The following ATP10B variants were observed in gnomAD, a reference collection of about 807,000 sequenced individuals.
ATP10B encodes the protein ATPase phospholipid transporting 10B (putative), also known as phospholipid-transporting ATPase VB.
A neutral mutation model predicts 141.2 loss-of-function variants in ATP10B; 122 were observed. That is an observed-to-expected ratio of 0.86 (90% CI 0.75 to 1.00). ATP10B has a LOEUF of 1.00. Among genes scored for constraint, ATP10B ranks in the 50% least tolerant of loss-of-function variants. The pLI is 0.00. For synonymous variants in ATP10B, 685 were observed against 692.0 expected, an observed-to-expected ratio of 0.99 and a Z score of 0.16; for missense variants, 1,876 against 1,825.3, an observed-to-expected ratio of 1.03 and a Z score of -0.51.
intron 3 of ATP10B, among the ~76,000 whole-genome samples, chr5:160,703,458 A>G (rs1764791458): frequency 6.8e-6 from 1 of 147,128 alleles, no homozygotes; most frequent in Non-Finnish European, 1.5e-5. Context: ...TTGCTGTTGG[A>G]GAGTTTTGTC....
intron 2 of ATP10B, among the ~76,000 whole-genome samples, chr5:160,729,314 C>T (rs966407107): frequency 3.9e-5 from 6 of 152,124 alleles, no homozygotes; most frequent in African/African-American, 7.2e-5. Flanking sequence ...CATATCTGAG[C>T]TCCACAGAGG....
At position 160,746,591 on chromosome 5, in the gene ATP10B, C is replaced by T. The variant is rs547612455; in HGVS notation, c.-330-29557G>A. Among the ~76,000 whole-genome samples the T allele has an allele frequency of 9.2e-5, 14 of 152,066 alleles. No homozygotes were observed. The South Asian group carries it at 2.1e-3, about 23-fold the overall frequency. ...ATTTTTAGTAGAGACTGGATTTCACCGTGTTGGCCAGGCTGGTCTCGCACT... is the reference window on the plus strand; with the variant it reads ...ATTTTTAGTAGAGACTGGATTTCACTGTGTTGGCCAGGCTGGTCTCGCACT... On this transcript the variant is annotated intron_variant, in intron 2 of 25. Transcript: ENST00000327245.
At chr5:160,829,823 A>G (rs1291191323) in intron 1 of ATP10B, among the ~76,000 whole-genome samples, 1 of 151,738 alleles carries the variant, frequency 6.6e-6, no homozygotes, top group Non-Finnish European at 1.5e-5. Context: ...ACCTTGTTAA[A>G]CTCATTTATC....
intron 2 of ATP10B, among the ~76,000 whole-genome samples, chr5:160,769,712 A>C (rs962912672): frequency 2.6e-5 from 4 of 152,226 alleles, no homozygotes; most frequent in Non-Finnish European, 5.9e-5. Context: ...AGGAAAGTCA[A>C]AAGGAAACCA....
At chr5:160,858,412 C>T in the ATP10B span, among the ~76,000 whole-genome samples, 2 of 151,934 alleles carry the variant, frequency 1.3e-5, no homozygotes, top group South Asian at 2.1e-4. Context: ...TTAAAATCTA[C>T]TTTGTCTATC....
intron 22 of ATP10B, among the ~76,000 whole-genome samples, chr5:160,594,796 C>T (rs1756567126): frequency 1.3e-5 from 2 of 151,960 alleles, no homozygotes; most frequent in Admixed American, 1.3e-4. Flanking sequence ...CAAAGAAGGC[C>T]ATTACATAAT....
intron 7 of ATP10B, among the ~76,000 whole-genome samples, chr5:160,654,484 A>G (rs1310076683): frequency 6.6e-6 from 1 of 152,158 alleles, no homozygotes; most frequent in Non-Finnish European, 1.5e-5. Flanking sequence ...GAAAAGACCA[A>G]TCCTTTCCAG....
At chr5:160,780,902 C>T (rs1770672520) in intron 2 of ATP10B, among the ~76,000 whole-genome samples, 1 of 152,046 alleles carries the variant, frequency 6.6e-6, no homozygotes, top group African/African-American at 2.4e-5. Context: ...ATCTTAAGGG[C>T]TGCCATTTTG....
chr5:160,768,316 C>A (rs1043328308), intron 2 of ATP10B, among the ~76,000 whole-genome samples: 2 of 152,130 alleles, frequency 1.3e-5, no homozygotes, highest in African/African-American at 4.8e-5. Context: ...ATGATTTAGA[C>A]AGATTATGCC....
At chr5:160,899,245 T>C in the ATP10B span, among the ~76,000 whole-genome samples, 4 of 152,046 alleles carry the variant, frequency 2.6e-5, no homozygotes, top group Admixed American at 2.6e-4. Context: ...GGTCACAGTT[T>C]TTAGTGGGTT....
chr5:160,653,172 T>C (rs971203435), intron 7 of ATP10B, among the ~76,000 whole-genome samples: 1 of 131,028 alleles, frequency 7.6e-6, no homozygotes, highest in Non-Finnish European at 1.5e-5. Context: ...ATATATTATA[T>C]ATACAATATA....
At chr5:160,675,314 C>A (rs941292684) in intron 6 of ATP10B, among the ~76,000 whole-genome samples, 6 of 152,106 alleles carry the variant, frequency 3.9e-5, no homozygotes, top group African/African-American at 1.4e-4. Context: ...CAACATGGCT[C>A]GGGATGAAGG....
intron 24 of ATP10B, among the ~76,000 whole-genome samples, chr5:160,585,579 A>G (rs904870061): frequency 2.0e-5 from 3 of 152,220 alleles, no homozygotes; most frequent in African/African-American, 7.2e-5. Context: ...TCTGGCCTGG[A>G]TGACAGAGCG....
the ATP10B span, among the ~76,000 whole-genome samples, chr5:160,872,552 G>C: frequency 6.6e-6 from 1 of 152,152 alleles, no homozygotes; most frequent in African/African-American, 2.4e-5. Context: ...ATTGATTTTT[G>C]TATGAGGTGA....
chr5:160,827,177 C>A (rs1290187779), intron 1 of ATP10B, among the ~76,000 whole-genome samples: 1 of 152,160 alleles, frequency 6.6e-6, no homozygotes, highest in African/African-American at 2.4e-5. Flanking sequence ...TGTGATGTCA[C>A]CCCCAGAGGC....
chr5:160,688,818 T>C lies in ATP10B; in HGVS notation c.-79A>G, dbSNP rs189814444. On this transcript the variant is annotated 5_prime_UTR_variant, in exon 4 of 26. Coordinates refer to ENST00000327245, the MANE Select transcript of ATP10B (RefSeq NM_025153.3). ...AGAATAGATGGGAGAGGTTCTTTCC[T>C]AGGAAATTTGTCCATGAGGTGACTG... is the stretch of plus-strand genomic sequence containing the variant. 4 of 985,430 alleles carry C rather than the reference T, an allele frequency of 4.1e-6. No individual in the cohort carries two copies. In the Admixed American group the frequency reaches 2.5e-4, roughly 61 times the overall value. 61.0% of individuals were successfully genotyped at this position (985,430 alleles called of 1,614,324 possible). A position where few individuals can be genotyped will look rare whatever the true frequency, so the allele number is the denominator to read the frequency against.
chr5:160,784,837 A>G (rs1771014155), intron 2 of ATP10B, among the ~76,000 whole-genome samples: 1 of 152,138 alleles, frequency 6.6e-6, no homozygotes, highest in Admixed American at 6.6e-5. Flanking sequence ...AGTAGATACT[A>G]TTGATTGCCT....
chr5:160,917,509 G>GT, the ATP10B span, among the ~76,000 whole-genome samples: 3 of 152,142 alleles, frequency 2.0e-5, no homozygotes, highest in Non-Finnish European at 4.4e-5. Context: ...GTCAGTAACA[G>GT]TATCCTGGTC....
At chr5:160,748,030 T>TG (rs148326287) in intron 2 of ATP10B, among the ~76,000 whole-genome samples, 131 of 143,364 alleles carry the variant, frequency 9.1e-4, no homozygotes, top group African/African-American at 3.1e-3. Context: ...GCCGGGGTTG[T>TG]GGCGGGGAGC....
Sources: gnomAD v4.1 joint callset for allele counts (sites outside exome capture counted in the v4.1 genomes callset) on GRCh38, gnomAD v4.1.1 for gene constraint, MANE v1.5 for transcripts, NCBI Gene and HGNC (gene_info 2026-07-23, HGNC 2026-07-21) for gene names.